AGAP1: variants seen among roughly 807,000 people sequenced by gnomAD.
AGAP1 encodes ArfGAP with GTPase domain, ankyrin repeat and PH domain 1.
In AGAP1, 29 loss-of-function variants were observed where a neutral mutation model predicts 105.3. That is an observed-to-expected ratio of 0.28 (90% CI 0.21 to 0.38). The LOEUF (loss-of-function observed/expected upper bound fraction) is 0.38, where lower values mean the gene tolerates loss of function less well. Among genes scored for constraint, AGAP1 ranks in the 10% least tolerant of loss-of-function variants. AGAP1 has a pLI of 1.00. For synonymous variants in AGAP1, 509 were observed against 485.9 expected (o/e 1.05, Z -0.63); for missense variants, 998 against 1,165.1 (o/e 0.86, Z 2.09).
intron 6 of AGAP1, among the ~76,000 whole-genome samples, chr2:235,763,037 T>C (rs567192896): frequency 7.3e-6 from 1 of 136,468 alleles, no homozygotes; most frequent in Admixed American, 8.1e-5. Flanking sequence ...AAGGCTCGGG[T>C]GTGTGTGTGT....
chr2:236,056,378 C>T lies in AGAP1; in HGVS notation c.2114+7097C>T, dbSNP rs1399388732. Among the ~76,000 whole-genome samples the T allele has an allele frequency of 1.3e-5, 2 of 152,112 alleles. No individual in the cohort carries two copies. The highest frequency in any genetic ancestry group is 6.6e-5 in the Admixed American group (1 of 15,248). ...TATCATTTACGTTCTGAAATACGGC[C>T]GTCGTGACAATTAAGGAGTTTCTGA... On this transcript the variant is annotated intron_variant, in intron 16 of 17. Transcript: ENST00000304032. The surrounding 1 kb of genome is among the most constrained non-coding windows in gnomAD (Gnocchi z 4.6).
rs1953344906 is a variant in AGAP1, at chr2:235,750,590, A to G, written c.673+102A>G. 1 of 1,534,766 alleles carries G rather than the reference A, an allele frequency of 6.5e-7. No individual in the cohort carries two copies. Among genetic ancestry groups the G allele is most frequent in the Non-Finnish European group, 9.0e-7 (1 of 1,116,116 alleles). ...ACTTGTGCATGTGGGTGGTGGAAAT[A>G]TGTCGTTGATGGGTGGGCATTAGTA... On this transcript the variant is annotated intron_variant, in intron 6 of 17. Transcript: ENST00000304032. The surrounding 1 kb of genome is among the most constrained non-coding windows in gnomAD (Gnocchi z 5.3).
chr2:235,857,236 C>G (rs907248933), intron 9 of AGAP1, among the ~76,000 whole-genome samples: 3 of 152,128 alleles, frequency 2.0e-5, no homozygotes, highest in African/African-American at 7.2e-5. Flanking sequence ...AGTGCGAACC[C>G]TATTGAGAAC....
Position 236,008,575 on chromosome 2 carries a change from G to C in AGAP1, c.1646-27986G>C, listed in dbSNP as rs138968973. Among the ~76,000 whole-genome samples, 729 of 152,274 alleles carry C rather than the reference G, an allele frequency of 4.8e-3. 4 individuals are homozygous for C. The highest frequency in any genetic ancestry group is 0.01 in the Middle Eastern group (3 of 294). ...GGATTTGGGGTGCACCTGTACCCTT[G>C]ATCTCCACTTCTGCGTGTTTCTAGG... On this transcript the variant is annotated intron_variant, in intron 13 of 17. Coordinates refer to ENST00000304032, the MANE Select transcript of AGAP1 (RefSeq NM_001037131.3).
chr2:235,510,371 T>C (rs568193704), intron 1 of AGAP1, among the ~76,000 whole-genome samples: 1 of 152,368 alleles, frequency 6.6e-6, no homozygotes, highest in South Asian at 2.1e-4. Flanking sequence ...TTGTTACATA[T>C]ATCCATAGCT....
rs2053988571 is a variant in AGAP1, at chr2:235,957,213, A to C, written c.1484-11249A>C. 6.6e-6 allele frequency among the ~76,000 whole-genome samples: 1 copy of C among 152,214 alleles called. No homozygotes were observed. The highest frequency in any genetic ancestry group is 6.5e-5 in the Admixed American group (1 of 15,290). On this transcript the variant is annotated intron_variant, in intron 12 of 17. Transcript: ENST00000304032. The surrounding 1 kb of genome is among the most constrained non-coding windows in gnomAD (Gnocchi z 4.6). ...CTTTATAAACATATTTCAGTAATCA[A>C]GGTCCTCATCTCAATGGAAGATCAA...
rs143128120 is a variant in AGAP1, at chr2:235,886,320, G to T, written c.1155+2871G>T. Among the ~76,000 whole-genome samples the T allele has an allele frequency of 6.1e-3, 923 of 152,354 alleles. 4 individuals carry two copies. Among genetic ancestry groups the T allele is most frequent in the African/African-American group, 0.021 (878 of 41,590 alleles). ...AGAGCTGATGGATGATACATTTCCA[G>T]TCAACATATGCTCACTGCTGAGCTC... is the stretch of plus-strand genomic sequence containing the variant. On this transcript the variant is annotated intron_variant, in intron 10 of 17. Coordinates refer to ENST00000304032, the MANE Select transcript of AGAP1 (RefSeq NM_001037131.3).
chr2:235,628,120 C>CGG (rs1306146627), intron 1 of AGAP1, among the ~76,000 whole-genome samples: 1 of 152,128 alleles, frequency 6.6e-6, no homozygotes, highest in African/African-American at 2.4e-5. Context: ...TAGAGCCCTC[C>CGG]GTGAGACCAT....
chr2:236,049,008 A>G (rs750148570), intron 15 of AGAP1, 51 bp from the exon 16 acceptor site: 5 of 1,506,630 alleles, frequency 3.3e-6, no homozygotes, highest in Non-Finnish European at 2.7e-6. Context: ...AACGGTTGGA[A>G]TGATGCATGA....
chr2:235,840,511 G>A (rs1960695013), intron 9 of AGAP1, among the ~76,000 whole-genome samples: 1 of 152,128 alleles, frequency 6.6e-6, no homozygotes, highest in Admixed American at 6.6e-5. Context: ...AATACTCGTG[G>A]GTCCGTGTTG....
rs567026254 is a variant in AGAP1, at chr2:235,953,666, C to G, written c.1484-14796C>G. On this transcript the variant is annotated intron_variant, in intron 12 of 17. Coordinates refer to ENST00000304032, the MANE Select transcript of AGAP1 (RefSeq NM_001037131.3). This position sits in a 1 kb window ranked among gnomAD's most constrained non-coding sequence, Gnocchi z 5.2. ...GAGCATCTGTAAAGAAAATTTTTTC[C>G]ACGCCTGTAATCTCAGTGCTTTGGG... is the stretch of plus-strand genomic sequence containing the variant. Among the ~76,000 whole-genome samples the G allele has an allele frequency of 7.2e-5, 11 of 152,212 alleles. No individual in the cohort carries two copies. The highest frequency in any genetic ancestry group is 2.4e-4 in the African/African-American group (10 of 41,540).
intron 11 of AGAP1, among the ~76,000 whole-genome samples, chr2:235,922,474 A>G (rs898795877): frequency 5.3e-5 from 8 of 152,152 alleles, no homozygotes; most frequent in African/African-American, 1.7e-4. Flanking sequence ...TTATTTTCCT[A>G]GTTAAATGCT....
At position 235,642,182 on chromosome 2, in the gene AGAP1, G is replaced by A. The variant is rs2149307542; in HGVS notation, c.164-66997G>A. On this transcript the variant is annotated intron_variant, in intron 1 of 17. Coordinates refer to ENST00000304032, the MANE Select transcript of AGAP1 (RefSeq NM_001037131.3). The surrounding 1 kb of genome is among the most constrained non-coding windows in gnomAD (Gnocchi z 4.1). Reference sequence around the variant, plus strand: ...CTGCTCGACTTGGCCTTCTGGCACTGGGGATTCCTCTCCCAAGTCTTGCTA... The same window carrying A: ...CTGCTCGACTTGGCCTTCTGGCACTAGGGATTCCTCTCCCAAGTCTTGCTA... 6.6e-6 allele frequency among the ~76,000 whole-genome samples: 1 copy of A among 152,328 alleles called. No individual in the cohort carries two copies. Among genetic ancestry groups the A allele is most frequent in the African/African-American group, 2.4e-5 (1 of 41,578 alleles).
intron 13 of AGAP1, among the ~76,000 whole-genome samples, 174 bp downstream of exon 13, chr2:235,968,797 A>G (rs763598156): frequency 6.6e-6 from 1 of 151,994 alleles, no homozygotes; most frequent in Non-Finnish European, 1.5e-5. Context: ...CCTTTTCATC[A>G]CTGTCTGATT....
In AGAP1 at chr2:235,633,832, A is replaced by G. The variant is rs889704680; in HGVS notation, c.164-75347A>G. 6.6e-6 allele frequency among the ~76,000 whole-genome samples: 1 copy of G among 152,172 alleles called. No homozygotes were observed. The highest frequency in any genetic ancestry group is 2.1e-4 in the South Asian group (1 of 4,832). Reference sequence around the variant, plus strand: ...TTGGGGAAAAGGGGTTTTGGTTTCTATGACCTGTCTTAGGGATGAAGAATT... The same window carrying G: ...TTGGGGAAAAGGGGTTTTGGTTTCTGTGACCTGTCTTAGGGATGAAGAATT... On this transcript the variant is annotated intron_variant, in intron 1 of 17. Transcript: ENST00000304032. The surrounding 1 kb of genome is among the most constrained non-coding windows in gnomAD (Gnocchi z 4.8).
chr2:235,718,986 C>G (rs932416638), intron 3 of AGAP1, among the ~76,000 whole-genome samples: 5 of 152,118 alleles, frequency 3.3e-5, no homozygotes, highest in African/African-American at 1.2e-4. Flanking sequence ...CTGGTGACAC[C>G]TTTTAGAGAA....
At chr2:235,748,938 G>A (rs1487234151) in intron 5 of AGAP1, among the ~76,000 whole-genome samples, 1 of 152,256 alleles carries the variant, frequency 6.6e-6, no homozygotes, top group East Asian at 1.9e-4. Context: ...GCTGGGCGCA[G>A]TGGCTCACGC....
rs1403342532 is a variant in AGAP1, at chr2:236,000,824, T to C, written c.1645+32201T>C. On this transcript the variant is annotated intron_variant, in intron 13 of 17. Transcript: ENST00000304032. The surrounding 1 kb of genome is among the most constrained non-coding windows in gnomAD (Gnocchi z 4.3). Reference sequence around the variant, plus strand: ...CAGCAAGAAGGAGCCCCACTTGTGCTGTTCTGTAAGGAGGGTCTTCCAGGC... The same window carrying C: ...CAGCAAGAAGGAGCCCCACTTGTGCCGTTCTGTAAGGAGGGTCTTCCAGGC... 6.6e-6 allele frequency among the ~76,000 whole-genome samples: 1 copy of C among 152,194 alleles called. No homozygotes were observed. The highest frequency in any genetic ancestry group is 1.5e-5 in the Non-Finnish European group (1 of 68,032).
chr2:235,926,794 T>G (rs7583134), intron 11 of AGAP1, among the ~76,000 whole-genome samples: 13,666 of 152,108 alleles, frequency 0.09, 1,839 homozygotes, highest in African/African-American at 0.29. Flanking sequence ...CAGTGGGGTG[T>G]GGGGAGGCAG....
Sources: gnomAD v4.1 joint callset for allele counts (sites outside exome capture counted in the v4.1 genomes callset) on GRCh38, gnomAD v4.1.1 for gene constraint, Gnocchi (gnomAD v3.1) non-coding constraint, MANE v1.5 for transcripts, NCBI Gene and HGNC (gene_info 2026-07-23, HGNC 2026-07-21) for gene names.